Variants in ZNF277 observed in about 807,000 individuals in gnomAD.
ZNF277 encodes the protein zinc finger protein 277.
ZNF277 carries 55 observed loss-of-function variants against 60.7 expected under a neutral mutation model. That is an observed-to-expected ratio of 0.91 (90% confidence interval 0.73 to 1.13). The LOEUF is 1.13. Among genes scored for constraint, ZNF277 ranks in the 50% most tolerant of loss-of-function variants. ZNF277 has a pLI of 0.00. For missense variants in ZNF277, 510 were observed against 523.0 expected (o/e 0.98, Z 0.24); for synonymous variants, 178 against 179.3 (o/e 0.99, Z 0.06).
intron 5 of ZNF277, among the ~76,000 whole-genome samples, chr7:112,323,009 G>A (rs1039090795): frequency 5.3e-5 from 8 of 151,100 alleles, no homozygotes; most frequent in South Asian, 2.1e-4. Flanking sequence ...GACAGATTTC[G>A]TTAAATTCCT....
chr7:112,327,643 G>A (rs940717084), intron 5 of ZNF277, 74 bp from the exon 6 acceptor site: 46 of 1,078,072 alleles, frequency 4.3e-5, no homozygotes, highest in Non-Finnish European at 6.4e-5. Context: ...TTTTTATTAT[G>A]TGAATGCTAT....
chr7:112,333,913 A>T (rs1793277265), intron 7 of ZNF277, among the ~76,000 whole-genome samples: 1 of 152,152 alleles, frequency 6.6e-6, no homozygotes, highest in Non-Finnish European at 1.5e-5. Context: ...AGGGCAACAG[A>T]CTGTTTAACA....
intron 2 of ZNF277, among the ~76,000 whole-genome samples, chr7:112,294,180 C>CT (rs1792273991): frequency 6.6e-6 from 1 of 152,134 alleles, no homozygotes; most frequent in South Asian, 2.1e-4. Context: ...TCTCTTTCCC[C>CT]TTTTTTCCTC....
chr7:112,340,957 G>A lies in ZNF277; in HGVS notation c.1095G>A (p.Lys365=). Reference sequence around the variant, plus strand: ...GCAGATGTTATGGCTGCCATGTGAAGTTCAAATCCAAAGCAGACTTAAGAA... The same window carrying A: ...GCAGATGTTATGGCTGCCATGTGAAATTCAAATCCAAAGCAGACTTAAGAA... ...HQCRCYGCHV[K]FKSKADLRTH... The change falls in exon 11 of 12, where the codon AAG becomes AAA. Residue 365 remains lysine, a synonymous_variant. Coordinates refer to ENST00000361822, the MANE Select transcript of ZNF277 (RefSeq NM_021994.3). The A allele has an allele frequency of 6.2e-7, 1 of 1,612,892 alleles. No individual in the cohort carries two copies. Among genetic ancestry groups the A allele is most frequent in the Non-Finnish European group, 8.5e-7 (1 of 1,179,602 alleles).
intron 1 of ZNF277, among the ~76,000 whole-genome samples, chr7:112,257,794 A>G (rs1791353366): frequency 6.6e-6 from 1 of 151,856 alleles, no homozygotes. Context: ...TTAATTTTTA[A>G]TTTATATTAT....
At chr7:112,225,423 A>C (rs773436002) in intron 1 of ZNF277, among the ~76,000 whole-genome samples, 49 of 152,366 alleles carry the variant, frequency 3.2e-4, no homozygotes, top group Non-Finnish European at 5.4e-4. Flanking sequence ...TGACCTCTAA[A>C]GTACAAGGGA....
intron 1 of ZNF277, among the ~76,000 whole-genome samples, chr7:112,275,315 G>A (rs970504131): frequency 4.6e-5 from 7 of 152,290 alleles, no homozygotes; most frequent in East Asian, 1.9e-4. Flanking sequence ...GTAAGAACTC[G>A]TAGTAGTCTT....
At chr7:112,259,973 G>A (rs1211874960) in intron 1 of ZNF277, among the ~76,000 whole-genome samples, 1 of 152,196 alleles carries the variant, frequency 6.6e-6, no homozygotes, top group Non-Finnish European at 1.5e-5. Flanking sequence ...TGAGATATAA[G>A]TATAAAAGCT....
chr7:112,313,281 A>C (rs1584402111), intron 4 of ZNF277, among the ~76,000 whole-genome samples: 1 of 135,034 alleles, frequency 7.4e-6, no homozygotes, highest in East Asian at 2.1e-4. Context: ...TATGTTTTAA[A>C]ATTTTTTTTT....
chr7:112,248,464 T>G (rs189266212), intron 1 of ZNF277, among the ~76,000 whole-genome samples: 1 of 151,912 alleles, frequency 6.6e-6, no homozygotes, highest in African/African-American at 2.4e-5. Context: ...ACAACTAAAA[T>G]AGAGATTTAA....
chr7:112,343,532 A>G lies in ZNF277; in HGVS notation c.*803A>G, dbSNP rs994587575. On this transcript the variant is annotated 3_prime_UTR_variant, in exon 12 of 12. Transcript: ENST00000361822. ...ATTATCAGTTTCATTACTGATGAATATTATATGCCTCCTGATAAGATGTAC... is the reference window on the plus strand; with the variant it reads ...ATTATCAGTTTCATTACTGATGAATGTTATATGCCTCCTGATAAGATGTAC... Among the ~76,000 whole-genome samples, 2 of 152,206 alleles carry G rather than the reference A, an allele frequency of 1.3e-5. No individual in the cohort carries two copies. The highest frequency in any genetic ancestry group is 6.5e-5 in the Admixed American group (1 of 15,274).
chr7:112,252,031 C>T (rs1325736977), intron 1 of ZNF277, among the ~76,000 whole-genome samples: 2 of 152,196 alleles, frequency 1.3e-5, no homozygotes, highest in Admixed American at 6.5e-5. Context: ...TTTTGTGAGA[C>T]TCACCCAGTC....
intron 1 of ZNF277, among the ~76,000 whole-genome samples, chr7:112,238,338 C>G (rs1051946758): frequency 6.6e-6 from 1 of 152,158 alleles, no homozygotes; most frequent in African/African-American, 2.4e-5. Flanking sequence ...TCAGCCAGCA[C>G]CCATGGAAGG....
intron 7 of ZNF277, 82 bp from the exon 8 acceptor site, chr7:112,336,022 T>A: frequency 8.1e-7 from 1 of 1,235,154 alleles, no homozygotes. Flanking sequence ...ATTTTTTTGG[T>A]TTTGATTTTT....
chr7:112,284,066 T>C (rs1792007531), intron 1 of ZNF277, among the ~76,000 whole-genome samples: 1 of 152,246 alleles, frequency 6.6e-6, no homozygotes, highest in Non-Finnish European at 1.5e-5. Flanking sequence ...ACTAACATTG[T>C]GACTTTGGGA....
intron 1 of ZNF277, among the ~76,000 whole-genome samples, chr7:112,279,234 T>C (rs1791887812): frequency 6.6e-6 from 1 of 152,218 alleles, no homozygotes; most frequent in East Asian, 1.9e-4. Flanking sequence ...GGCTGGCTCA[T>C]ATGATAGTTC....
intron 2 of ZNF277, chr7:112,287,909 T>C (rs1792111201): frequency 7.3e-6 from 1 of 136,212 alleles, no homozygotes; most frequent in Admixed American, 6.9e-5. Flanking sequence ...ATTTATTTTC[T>C]ATAAGTTCTC....
chr7:112,206,786 G>C lies in ZNF277; in HGVS notation c.70G>C (p.Val24Leu), dbSNP rs1458126912. 6.2e-7 allele frequency: 1 copy of C among 1,613,340 alleles called. No individual in the cohort carries two copies. The highest frequency in any genetic ancestry group is 1.3e-5 in the African/African-American group (1 of 74,878). ...QEDRDGSCST[V>L]GGVGYGDSKD... Reference sequence around the variant, plus strand: ...AGACCGTGATGGGAGCTGCAGCACAGTCGGGGGTGTAGGTTATGGGGGTGA... The same window carrying C: ...AGACCGTGATGGGAGCTGCAGCACACTCGGGGGTGTAGGTTATGGGGGTGA... Residue 24 changes from valine (V) to leucine (L), a missense_variant, in exon 1 of 12, where the codon GTC becomes CTC. By Grantham distance (32) the Val-to-Leu change is conservative (BLOSUM62 1). Coordinates refer to ENST00000361822, the MANE Select transcript of ZNF277 (RefSeq NM_021994.3).
chr7:112,312,071 G>A (rs796391098), intron 4 of ZNF277, among the ~76,000 whole-genome samples: 25 of 152,174 alleles, frequency 1.6e-4, no homozygotes, highest in African/African-American at 5.8e-4. Context: ...ATGCCCAGGG[G>A]AGATTACAAA....
Sources: gnomAD v4.1 joint callset for allele counts (sites outside exome capture counted in the v4.1 genomes callset) on GRCh38, gnomAD v4.1.1 for gene constraint, MANE v1.5 for transcripts, NCBI Gene and HGNC (gene_info 2026-07-23, HGNC 2026-07-21) for gene names.